Variants in ERG observed in about 807,000 individuals in gnomAD.
The protein encoded by ERG is transcriptional regulator ERG.
Under a neutral mutation model 55.3 loss-of-function variants are expected in ERG, and 9 were observed. The ratio of observed to expected loss-of-function variants is 0.16; its 90% CI spans 0.10 to 0.28. The LOEUF is 0.28. Among genes scored for constraint, ERG ranks in the 10% least tolerant of loss-of-function variants. ERG has a pLI of 1.00. For missense variants in ERG, 434 were observed against 631.6 expected, an observed-to-expected ratio of 0.69 and a Z score of 3.35; for synonymous variants, 223 against 237.3, an observed-to-expected ratio of 0.94 and a Z score of 0.55.
At chr21:38,545,685 G>T (rs2059783696) in intron 2 of ERG, among the ~76,000 whole-genome samples, 2 of 152,172 alleles carry the variant, frequency 1.3e-5, no homozygotes, top group Non-Finnish European at 2.9e-5. Flanking sequence ...ACATGATAGA[G>T]ACCATCAACA....
chr21:38,613,058 C>A lies in ERG; in HGVS notation c.-149-28113G>T, dbSNP rs1397469939. On this transcript the variant is annotated intron_variant, in intron 1 of 10. Transcript: ENST00000398910. ...GGCGGGGCCCATTGAAATCCTAACT[C>A]TTCTCCATTTGTTTGCTGATTCTTA... Among the ~76,000 whole-genome samples the A allele has an allele frequency of 3.3e-5, 5 of 152,198 alleles. No individual in the cohort carries two copies. The East Asian group carries it at 9.6e-4, about 29-fold the overall frequency.
intron 2 of ERG, among the ~76,000 whole-genome samples, chr21:38,444,532 A>G (rs2058871121): frequency 6.6e-6 from 1 of 152,178 alleles, no homozygotes; most frequent in African/African-American, 2.4e-5. Context: ...CTGAATATAT[A>G]TGGGGTATTA....
chr21:38,586,101 T>C (rs567242641), upstream of ERG, among the ~76,000 whole-genome samples: 1 of 151,086 alleles, frequency 6.6e-6, no homozygotes, highest in East Asian at 1.9e-4. Flanking sequence ...TTTTAAAATA[T>C]TTTTAAAATT....
intron 2 of ERG, among the ~76,000 whole-genome samples, chr21:38,527,914 C>T (rs575922745): frequency 7.6e-4 from 116 of 152,334 alleles, no homozygotes; most frequent in African/African-American, 2.5e-3. Context: ...CCCAGGGGTG[C>T]CATAACAAAG....
chr21:38,583,177 T>C (rs990199724), intron 1 of ERG, among the ~76,000 whole-genome samples: 10 of 152,196 alleles, frequency 6.6e-5, no homozygotes, highest in South Asian at 2.1e-4. Context: ...AAATCAGTCT[T>C]TCACCAGCAA....
At chr21:38,522,157 A>G (rs1271652809) in intron 2 of ERG, among the ~76,000 whole-genome samples, 1 of 152,176 alleles carries the variant, frequency 6.6e-6, no homozygotes, top group Non-Finnish European at 1.5e-5. Flanking sequence ...GTAAGCCCCC[A>G]GGAAAAATAA....
intron 1 of ERG, among the ~76,000 whole-genome samples, chr21:38,640,792 C>T (rs531584265): frequency 1.3e-5 from 2 of 152,178 alleles, no homozygotes; most frequent in East Asian, 1.9e-4. Context: ...CTCATGAAAA[C>T]GCAGTGATGT....
rs757887114 is a variant in ERG at position 38,547,865 on chromosome 21, T to C, written c.-41+27797A>G. On this transcript the variant is annotated intron_variant, in intron 2 of 8. Coordinates refer to the ERG transcript ENST00000398897. Reference sequence around the variant, plus strand: ...TTTTTAAGACTGCACCACTGTTAAGTAGAGGCAATTTTTAATACTTAGGGT... The same window carrying C: ...TTTTTAAGACTGCACCACTGTTAAGCAGAGGCAATTTTTAATACTTAGGGT... Among the ~76,000 whole-genome samples the C allele has an allele frequency of 2.0e-5, 3 of 152,210 alleles. No individual in the cohort carries two copies. In the East Asian group the frequency reaches 5.8e-4, roughly 29 times the overall value.
At chr21:38,431,492 A>C (rs1363778414) in intron 2 of ERG, among the ~76,000 whole-genome samples, 1 of 152,234 alleles carries the variant, frequency 6.6e-6, no homozygotes, top group East Asian at 1.9e-4. Flanking sequence ...CATATAAGAC[A>C]AAATGATAAC....
Position 38,539,176 on chromosome 21 carries a change from C to G in ERG, c.-41+36486G>C, listed in dbSNP as rs193244742. 5.9e-5 allele frequency among the ~76,000 whole-genome samples: 9 copies of G among 152,280 alleles called. No individual in the cohort carries two copies. The East Asian group carries it at 1.7e-3, about 29-fold the overall frequency. Reference sequence around the variant, plus strand: ...CTATGTTTTAGTTACTGAGCATCTCCTGACACCAGAGAGGACGCAACAAAA... The same window carrying G: ...CTATGTTTTAGTTACTGAGCATCTCGTGACACCAGAGAGGACGCAACAAAA... On this transcript the variant is annotated intron_variant, in intron 2 of 8. Coordinates refer to the ERG transcript ENST00000398897.
At chr21:38,434,053 G>A (rs1990349194) in intron 2 of ERG, among the ~76,000 whole-genome samples, 1 of 152,084 alleles carries the variant, frequency 6.6e-6, no homozygotes, top group Non-Finnish European at 1.5e-5. Flanking sequence ...AGAAATGCAA[G>A]CTGCCCATGT....
intron 1 of ERG, among the ~76,000 whole-genome samples, chr21:38,652,304 G>T (rs766488688): frequency 6.6e-6 from 1 of 152,118 alleles, no homozygotes; most frequent in Non-Finnish European, 1.5e-5. Flanking sequence ...CTCAGCCTCC[G>T]GGTAGCATGC....
At chr21:38,544,726 A>G (rs949192112) in intron 2 of ERG, among the ~76,000 whole-genome samples, 8 of 152,296 alleles carry the variant, frequency 5.3e-5, no homozygotes, top group Middle Eastern at 3.4e-3. Flanking sequence ...GATGAGGGAA[A>G]AAAAATCTCT....
intron 1 of ERG, among the ~76,000 whole-genome samples, chr21:38,594,863 CCT>C (rs1464687669): frequency 6.6e-6 from 1 of 152,112 alleles, no homozygotes; most frequent in Non-Finnish European, 1.5e-5. Context: ...ATAGAAGCCC[CCT>C]GTCGAAACTG....
chr21:38,388,892 G>T (rs1749590519), intron 9 of ERG, among the ~76,000 whole-genome samples: 1 of 152,166 alleles, frequency 6.6e-6, no homozygotes, highest in Non-Finnish European at 1.5e-5. Context: ...CTGGCACTTT[G>T]CTTAGGAGCA....
chr21:38,584,823 T>C (rs1307551825), intron 1 of ERG: 2 of 152,240 alleles, frequency 1.3e-5, no homozygotes, highest in African/African-American at 2.4e-5. Flanking sequence ...CATAAGATTA[T>C]TTGGGTTCTG....
At chr21:38,402,000 TCCC>T (rs1988518449) in intron 5 of ERG, among the ~76,000 whole-genome samples, 1 of 152,178 alleles carries the variant, frequency 6.6e-6, no homozygotes, top group Admixed American at 6.5e-5. Flanking sequence ...TAGCAGAGGT[TCCC>T]TCTGAACAAA....
intron 1 of ERG, among the ~76,000 whole-genome samples, chr21:38,482,841 C>T (rs1029884606): frequency 1.3e-5 from 2 of 152,052 alleles, no homozygotes; most frequent in African/African-American, 4.8e-5. Context: ...CCACACCCCA[C>T]TAATTATTAA....
intron 5 of ERG, among the ~76,000 whole-genome samples, chr21:38,401,060 T>C (rs1443863716): frequency 1.3e-5 from 2 of 152,248 alleles, no homozygotes; most frequent in Non-Finnish European, 2.9e-5. Context: ...TATAAGTATT[T>C]AGCCTAAGAG....
Sources: gnomAD v4.1 joint callset for allele counts (sites outside exome capture counted in the v4.1 genomes callset) on GRCh38, gnomAD v4.1.1 for gene constraint, MANE v1.5 for transcripts, NCBI Gene and HGNC (gene_info 2026-07-23, HGNC 2026-07-21) for gene names.